The following LARGE1 variants were observed in gnomAD, a reference collection of about 807,000 sequenced individuals.
LARGE1 encodes the protein LARGE xylosyl- and glucuronyltransferase 1.
In LARGE1, 43 loss-of-function variants were observed where a neutral mutation model predicts 87.6. The ratio of observed to expected loss-of-function variants is 0.49; its 90% CI spans 0.38 to 0.63. LARGE1 has a LOEUF of 0.63. Among genes scored for constraint, LARGE1 ranks in the 30% least tolerant of loss-of-function variants. The probability of loss-of-function intolerance (pLI) is 0.00; values close to 1 mark genes in which losing one functional copy is unlikely to be tolerated. For missense variants in LARGE1, 802 were observed against 1,000.2 expected (o/e 0.80, Z 2.67); for synonymous variants, 434 against 394.6 (o/e 1.10, Z -1.18).
At chr22:33,748,956 T>C (rs771858291) in intron 2 of LARGE1, among the ~76,000 whole-genome samples, 3 of 152,214 alleles carry the variant, frequency 2.0e-5, no homozygotes, top group Admixed American at 6.5e-5. Context: ...AGGGTCTCTC[T>C]GGACCAGGTG....
the LARGE1 span, among the ~76,000 whole-genome samples, chr22:33,091,526 C>G: frequency 6.6e-6 from 1 of 151,338 alleles, no homozygotes; most frequent in African/African-American, 2.4e-5. Context: ...CGCCACTGCT[C>G]TCCAGCCTGG....
chr22:33,209,684 C>T (rs914976166), intron 11 of LARGE1, among the ~76,000 whole-genome samples: 10 of 152,196 alleles, frequency 6.6e-5, no homozygotes, highest in African/African-American at 9.6e-5. Flanking sequence ...CTCACTCTGT[C>T]TCTCAGGCTG....
intron 8 of LARGE1, among the ~76,000 whole-genome samples, chr22:33,382,383 C>T (rs1388539105): frequency 6.6e-6 from 1 of 152,162 alleles, no homozygotes; most frequent in Non-Finnish European, 1.5e-5. Flanking sequence ...CCCCTCTGGC[C>T]TCCTAGGCAG....
intron 6 of LARGE1, among the ~76,000 whole-genome samples, chr22:33,487,072 G>GAT (rs980847697): frequency 2.0e-5 from 3 of 152,058 alleles, no homozygotes; most frequent in African/African-American, 7.2e-5. Flanking sequence ...AGCCCTTTTG[G>GAT]ATTGCTGCAA....
intron 2 of LARGE1, among the ~76,000 whole-genome samples, chr22:33,671,666 A>G (rs766837046): frequency 1.3e-5 from 2 of 152,194 alleles, no homozygotes; most frequent in Admixed American, 6.5e-5. Context: ...TCATGATGCA[A>G]TATGTTCAGC....
intron 6 of LARGE1, among the ~76,000 whole-genome samples, chr22:33,462,481 T>G (rs1177044908): frequency 6.6e-6 from 1 of 152,040 alleles, no homozygotes; most frequent in African/African-American, 2.4e-5. Context: ...TAGATAAACA[T>G]TTAAAAATAT....
At chr22:33,921,726 T>C (rs2065954326), upstream of LARGE1, among the ~76,000 whole-genome samples, 1 of 152,106 alleles carries the variant, frequency 6.6e-6, no homozygotes, top group South Asian at 2.1e-4. This position sits in a 1 kb window ranked among gnomAD's most constrained non-coding sequence, Gnocchi z 4.1. Flanking sequence ...TTCTCGCTCT[T>C]TCCCTCTTGG....
intron 1 of LARGE1, among the ~76,000 whole-genome samples, chr22:33,846,202 A>G (rs2063425135): frequency 6.6e-6 from 1 of 152,234 alleles, no homozygotes; most frequent in South Asian, 2.1e-4. Context: ...GGCTGAAGCC[A>G]TGGCAGAAGA....
At chr22:33,556,387 T>C (rs1433367524) in intron 6 of LARGE1, among the ~76,000 whole-genome samples, 1 of 151,696 alleles carries the variant, frequency 6.6e-6, no homozygotes, top group African/African-American at 2.4e-5. Context: ...AACAGGAGGG[T>C]AGAGCTAGGT....
intron 11 of LARGE1, among the ~76,000 whole-genome samples, chr22:33,216,015 GTATT>G (rs1400648163): frequency 6.6e-6 from 1 of 152,172 alleles, no homozygotes; most frequent in Non-Finnish European, 1.5e-5. Flanking sequence ...GCTGGAATTG[GTATT>G]TATTTAGTGG....
In LARGE1 at chr22:33,461,055, A is replaced by T. The variant is rs188890953; in HGVS notation, c.788-28790T>A. Among the ~76,000 whole-genome samples the T allele has an allele frequency of 2.6e-5, 4 of 152,330 alleles. No individual in the cohort carries two copies. The East Asian group carries it at 7.7e-4, about 29-fold the overall frequency. On this transcript the variant is annotated intron_variant, in intron 6 of 14. Coordinates refer to ENST00000397394, the MANE Select transcript of LARGE1 (RefSeq NM_133642.5). Reference sequence around the variant, plus strand: ...TCCAAGAACACGAACTTACCACAACATCAAACAAAAACTGCAGAAGTAACA... The same window carrying T: ...TCCAAGAACACGAACTTACCACAACTTCAAACAAAAACTGCAGAAGTAACA...
intron 6 of LARGE1, among the ~76,000 whole-genome samples, chr22:33,518,167 C>T (rs1032941877): frequency 6.6e-6 from 1 of 152,340 alleles, no homozygotes; most frequent in African/African-American, 2.4e-5. Context: ...TTATGCTGAG[C>T]GCTGCTCTAA....
chr22:33,579,876 T>C (rs1022362970), intron 5 of LARGE1, among the ~76,000 whole-genome samples: 2 of 152,260 alleles, frequency 1.3e-5, no homozygotes, highest in African/African-American at 4.8e-5. Context: ...CCCAACTTAA[T>C]AGCACAGCTC....
chr22:33,686,053 T>C (rs924635991), intron 2 of LARGE1, among the ~76,000 whole-genome samples: 5 of 152,128 alleles, frequency 3.3e-5, no homozygotes, highest in Non-Finnish European at 2.9e-5. Context: ...ACAGAGTGCA[T>C]ATAAATTCAC....
At chr22:33,914,310 AC>A (rs1204087206) in intron 1 of LARGE1, among the ~76,000 whole-genome samples, 31 of 152,098 alleles carry the variant, frequency 2.0e-4, no homozygotes, top group Admixed American at 1.9e-3. Context: ...TTTGATATTC[AC>A]CCAGCAGCTC....
At chr22:33,407,863 A>T (rs2066157601) in intron 7 of LARGE1, among the ~76,000 whole-genome samples, 1 of 152,244 alleles carries the variant, frequency 6.6e-6, no homozygotes, top group Admixed American at 6.5e-5. Context: ...CAATCTAAAT[A>T]ATAAGCAGAG....
intron 11 of LARGE1, among the ~76,000 whole-genome samples, chr22:33,218,193 G>A (rs527995731): frequency 6.6e-6 from 1 of 152,252 alleles, no homozygotes; most frequent in South Asian, 2.1e-4. Context: ...GCCTCCCAAA[G>A]TGCTGGGATT....
In LARGE1 at chr22:33,865,832, C is replaced by CTTTTTTTTTTTTT. The variant is rs3072359; in HGVS notation, c.-83+54150_-83+54162dup. Among the ~76,000 whole-genome samples, 26 of 28,394 alleles carry CTTTTTTTTTTTTT rather than the reference C, an allele frequency of 9.2e-4. 10 individuals carry two copies. The highest frequency in any genetic ancestry group is 7.5e-4 in the African/African-American group (7 of 9,350). 18.6% of individuals were successfully genotyped at this position (28,394 alleles called of 152,430 possible). A position where few individuals can be genotyped will look rare whatever the true frequency, so the allele number is the denominator to read the frequency against. On this transcript the variant is annotated intron_variant, in intron 1 of 14. Coordinates refer to ENST00000397394, the MANE Select transcript of LARGE1 (RefSeq NM_133642.5). ...TAAGCATTCAATGTTAGCTGTTATTCTTTTTTTTTTTTTTTTTTTTTTTTT... is the reference window on the plus strand; with the variant it reads ...TAAGCATTCAATGTTAGCTGTTATTCTTTTTTTTTTTTTTTTTTTTTTTTTTTTTTTTTTTTTT...
intron 3 of LARGE1, among the ~76,000 whole-genome samples, chr22:33,631,161 A>AT (rs376379301): frequency 5.1e-4 from 75 of 148,160 alleles, no homozygotes; most frequent in Admixed American, 1.1e-3. Context: ...CCAACTGTCT[A>AT]TTTTTTTTTT....
Sources: gnomAD v4.1 joint callset for allele counts (sites outside exome capture counted in the v4.1 genomes callset) on GRCh38, gnomAD v4.1.1 for gene constraint, Gnocchi (gnomAD v3.1) non-coding constraint, MANE v1.5 for transcripts, NCBI Gene and HGNC (gene_info 2026-07-23, HGNC 2026-07-21) for gene names.